Variants in EPHA6 observed in about 807,000 individuals in gnomAD.
EPHA6 encodes the protein EPH receptor A6.
EPHA6 carries 50 observed loss-of-function variants against 112.0 expected under a neutral mutation model. The observed-to-expected ratio is 0.45, with a 90% CI of 0.36 to 0.56. The LOEUF is 0.56. Among genes scored for constraint, EPHA6 ranks in the 20% least tolerant of loss-of-function variants. EPHA6 has a pLI of 0.00. For missense variants in EPHA6, 1,280 were observed against 1,417.4 expected (o/e 0.90, Z 1.56); for synonymous variants, 529 against 490.7 (o/e 1.08, Z -1.03).
intron 3 of EPHA6, among the ~76,000 whole-genome samples, chr3:97,194,489 A>G (rs757455132): frequency 6.6e-6 from 1 of 152,032 alleles, no homozygotes; most frequent in African/African-American, 2.4e-5. Context: ...GGCCTAACAT[A>G]TGGTCTATCC....
chr3:97,014,985 G>A (rs528374411), intron 3 of EPHA6, among the ~76,000 whole-genome samples: 11 of 152,094 alleles, frequency 7.2e-5, no homozygotes, highest in Admixed American at 1.3e-4. Context: ...AATTCTAATT[G>A]AAATGGTTCC....
At chr3:97,129,491 G>A (rs557427298) in intron 3 of EPHA6, among the ~76,000 whole-genome samples, 6 of 149,720 alleles carry the variant, frequency 4.0e-5, no homozygotes, top group South Asian at 4.2e-4. Flanking sequence ...GACAGACTTC[G>A]TCTCAAAAAA....
intron 9 of EPHA6, 56 bp from the exon 10 acceptor site, chr3:97,483,878 A>C: frequency 6.5e-7 from 1 of 1,530,558 alleles, no homozygotes; most frequent in Non-Finnish European, 8.8e-7. Context: ...TGTTCACAAG[A>C]TATAGACCAC....
rs761524025 is a variant in EPHA6, at chr3:97,223,911, GTTTAAAA to G, written c.1115-2350_1115-2344del. Among the ~76,000 whole-genome samples the G allele has an allele frequency of 2.9e-3, 440 of 151,926 alleles. 1 individual carries two copies. Among genetic ancestry groups the G allele is most frequent in the Non-Finnish European group, 5.2e-3 (353 of 68,004 alleles). On this transcript the variant is annotated intron_variant, in intron 3 of 17. Coordinates refer to ENST00000389672, the MANE Select transcript of EPHA6 (RefSeq NM_001080448.3). ...AAGAATGTAATGAATAGATTTCTGTGTTTAAAATTGTGCTATCCAGTATGGTATTCAC... is the reference window on the plus strand; with the variant it reads ...AAGAATGTAATGAATAGATTTCTGTGTTGTGCTATCCAGTATGGTATTCAC...
At chr3:97,478,413 T>C (rs1369888661) in intron 8 of EPHA6, among the ~76,000 whole-genome samples, 2 of 152,102 alleles carry the variant, frequency 1.3e-5, no homozygotes, top group African/African-American at 4.8e-5. Context: ...TTATCTTTAT[T>C]TGGGATTCCT....
chr3:97,416,784 ATTTAT>A (rs1284485878), intron 6 of EPHA6, among the ~76,000 whole-genome samples: 1 of 152,124 alleles, frequency 6.6e-6, no homozygotes, highest in East Asian at 1.9e-4. Context: ...CTCATTGAAA[ATTTAT>A]TTTCTTTCAT....
chr3:97,243,245 G>A (rs772035941), intron 4 of EPHA6, among the ~76,000 whole-genome samples: 6 of 151,856 alleles, frequency 4.0e-5, no homozygotes, highest in Non-Finnish European at 8.8e-5. Flanking sequence ...ACACCTACTT[G>A]TGTTTAGTAA....
At chr3:97,694,558 A>G (rs781282495) in intron 14 of EPHA6, among the ~76,000 whole-genome samples, 1 of 152,158 alleles carries the variant, frequency 6.6e-6, no homozygotes, top group South Asian at 2.1e-4. Context: ...TTCATATCTA[A>G]TATTCTATGG....
chr3:97,557,163 G>A (rs1338939206), intron 11 of EPHA6, among the ~76,000 whole-genome samples: 6 of 151,976 alleles, frequency 3.9e-5, no homozygotes, highest in African/African-American at 1.2e-4. Flanking sequence ...CAAAGGTCAT[G>A]TGATTTTTTT....
At chr3:97,022,634 T>G (rs987831341) in intron 3 of EPHA6, among the ~76,000 whole-genome samples, 1 of 152,132 alleles carries the variant, frequency 6.6e-6, no homozygotes, top group Non-Finnish European at 1.5e-5. Flanking sequence ...CAGTCTTCTT[T>G]TCCTTGGTTG....
intron 6 of EPHA6, among the ~76,000 whole-genome samples, chr3:97,405,857 T>A (rs922410791): frequency 6.6e-6 from 1 of 152,160 alleles, no homozygotes; most frequent in South Asian, 2.1e-4. Context: ...ATTTCCATTT[T>A]TGTCATACAT....
At chr3:97,444,741 A>C (rs150960481) in intron 6 of EPHA6, among the ~76,000 whole-genome samples, 419 of 152,246 alleles carry the variant, frequency 2.8e-3, no homozygotes, top group African/African-American at 9.5e-3. Flanking sequence ...GGGTCTGAAC[A>C]CCTGAGCCTA....
At chr3:97,398,599 G>C (rs2086817937) in intron 5 of EPHA6, among the ~76,000 whole-genome samples, 1 of 151,074 alleles carries the variant, frequency 6.6e-6, no homozygotes, top group Non-Finnish European at 1.5e-5. Context: ...TTCTTCATTT[G>C]TTATGCCAAA....
chr3:97,738,173 G>C (rs2035355738), intron 16 of EPHA6, among the ~76,000 whole-genome samples: 1 of 150,222 alleles, frequency 6.7e-6, no homozygotes, highest in African/African-American at 2.4e-5. Context: ...TTTTTTTCAA[G>C]AAACCTGTCT....
chr3:97,337,464 A>G (rs956022350), intron 5 of EPHA6, among the ~76,000 whole-genome samples: 7 of 152,062 alleles, frequency 4.6e-5, no homozygotes, highest in Non-Finnish European at 1.0e-4. Flanking sequence ...TCCCCATTTC[A>G]CTAGGCTAAA....
intron 10 of EPHA6, among the ~76,000 whole-genome samples, chr3:97,485,877 A>G (rs2091687326): frequency 6.6e-6 from 1 of 152,238 alleles, no homozygotes; most frequent in Non-Finnish European, 1.5e-5. Context: ...CAATACTCAC[A>G]TAGATACAGG....
intron 2 of EPHA6, among the ~76,000 whole-genome samples, chr3:96,946,637 G>A (rs1304469688): frequency 3.3e-5 from 5 of 152,066 alleles, no homozygotes; most frequent in Admixed American, 1.3e-4. Context: ...ATAAACATAC[G>A]TGTGCATGTG....
At chr3:96,910,090 A>T (rs1469308363) in intron 2 of EPHA6, among the ~76,000 whole-genome samples, 4 of 152,048 alleles carry the variant, frequency 2.6e-5, no homozygotes, top group Non-Finnish European at 5.9e-5. Context: ...AATTCTGTCT[A>T]AGTTGTACAT....
intron 13 of EPHA6, among the ~76,000 whole-genome samples, chr3:97,621,657 G>GC (rs1176768265): frequency 1.3e-5 from 2 of 151,778 alleles, no homozygotes; most frequent in Non-Finnish European, 2.9e-5. Context: ...AGGTAACTAG[G>GC]CAAGAGTGGG....
Sources: gnomAD v4.1 joint callset for allele counts (sites outside exome capture counted in the v4.1 genomes callset) on GRCh38, gnomAD v4.1.1 for gene constraint, MANE v1.5 for transcripts, NCBI Gene and HGNC (gene_info 2026-07-23, HGNC 2026-07-21) for gene names.